The following FMN1 variants were observed in gnomAD, a reference collection of about 807,000 sequenced individuals.
The protein encoded by FMN1 is formin-1.
In FMN1, 110 loss-of-function variants were observed where a neutral mutation model predicts 132.4. The ratio of observed to expected loss-of-function variants is 0.83; its 90% CI spans 0.71 to 0.97. The LOEUF (loss-of-function observed/expected upper bound fraction) is 0.97, where lower values mean the gene tolerates loss of function less well. FMN1 is among the 50% of genes least tolerant of loss of function. FMN1 has a pLI of 0.00. For synonymous variants in FMN1, 722 were observed against 651.7 expected, an observed-to-expected ratio of 1.11 and a Z score of -1.64; for missense variants, 1,792 against 1,705.3, an observed-to-expected ratio of 1.05 and a Z score of -0.90.
intron 18 of FMN1, among the ~76,000 whole-genome samples, chr15:32,799,493 T>G (rs1403916856): frequency 2.0e-5 from 3 of 152,132 alleles, no homozygotes. Context: ...AAGGGTAAAA[T>G]AAGAGATGTA....
At chr15:33,057,725 C>T (rs373148983) in intron 6 of FMN1, among the ~76,000 whole-genome samples, 192 of 152,314 alleles carry the variant, frequency 1.3e-3, no homozygotes, top group Non-Finnish European at 2.3e-3. Context: ...ATCTCATGTT[C>T]TCACCCCTTC....
At chr15:33,010,862 A>C (rs1034165760) in intron 6 of FMN1, among the ~76,000 whole-genome samples, 1 of 152,012 alleles carries the variant, frequency 6.6e-6, no homozygotes, top group Non-Finnish European at 1.5e-5. Flanking sequence ...TAAAGACCTC[A>C]TATAAGAAAA....
chr15:32,897,841 A>C (rs1415963005), intron 15 of FMN1, among the ~76,000 whole-genome samples: 1 of 152,194 alleles, frequency 6.6e-6, no homozygotes, highest in Non-Finnish European at 1.5e-5. Context: ...AACAAAACAA[A>C]AAACAAAACA....
At chr15:32,983,201 A>G (rs1030307295) in intron 7 of FMN1, among the ~76,000 whole-genome samples, 3 of 152,230 alleles carry the variant, frequency 2.0e-5, no homozygotes, top group Non-Finnish European at 4.4e-5. Context: ...GATTTCAGGT[A>G]GATGCCAACA....
intron 4 of FMN1, among the ~76,000 whole-genome samples, chr15:33,109,484 T>A (rs541303275): frequency 1.4e-4 from 22 of 152,092 alleles, no homozygotes; most frequent in Admixed American, 3.9e-4. Context: ...GTGGTATATA[T>A]AACACCATGG....
chr15:33,151,080 C>T lies in FMN1; in HGVS notation c.1867+1968G>A, dbSNP rs1462330058. The stretch of plus-strand genomic sequence containing the variant: ...TTCAGAATATAAAGAGGACTCACAG[C>T]GACAGGAAAGGGAAAATCAAGAGAG... On this transcript the variant is annotated intron_variant, in intron 4 of 20. Transcript: ENST00000616417. 1.1e-5 allele frequency: 15 copies of T among 1,317,406 alleles called. No individual in the cohort carries two copies. The Admixed American group carries it at 1.5e-4, about 13-fold the overall frequency. 81.6% of individuals were successfully genotyped at this position (1,317,406 alleles called of 1,614,324 possible).
At chr15:33,115,954 G>A (rs1436546366) in intron 4 of FMN1, among the ~76,000 whole-genome samples, 3 of 151,990 alleles carry the variant, frequency 2.0e-5, no homozygotes, top group African/African-American at 4.8e-5. Context: ...ACACCTGCTT[G>A]CAATAATAGT....
rs199546925 is a variant in FMN1, at chr15:32,946,165, T to C, written c.3138+17942A>G. Among the ~76,000 whole-genome samples the C allele has an allele frequency of 3.4e-4, 52 of 152,350 alleles. No individual in the cohort carries two copies. In the East Asian group the frequency reaches 4.2e-3, roughly 12 times the overall value. ...GATTTTGTTAGGGTTTGCGGTGTTA[T>C]GTCCCAGCACATTTCCCCCGTAATT... is the stretch of plus-strand genomic sequence containing the variant. On this transcript the variant is annotated intron_variant, in intron 9 of 20. Coordinates refer to ENST00000616417, the MANE Select transcript of FMN1 (RefSeq NM_001277313.2).
At chr15:32,913,331 TAAAA>T (rs2060609755) in intron 10 of FMN1, among the ~76,000 whole-genome samples, 1 of 152,204 alleles carries the variant, frequency 6.6e-6, no homozygotes, top group Non-Finnish European at 1.5e-5. Flanking sequence ...GGTTACTTTT[TAAAA>T]ACATGGATTT....
intron 3 of FMN1, among the ~76,000 whole-genome samples, chr15:33,173,772 T>C (rs954328091): frequency 6.6e-6 from 1 of 152,002 alleles, no homozygotes; most frequent in Non-Finnish European, 1.5e-5. Context: ...CTACTAAAAA[T>C]ACAAAAATTA....
At chr15:33,139,773 C>T (rs1963930345) in intron 4 of FMN1, among the ~76,000 whole-genome samples, 1 of 152,142 alleles carries the variant, frequency 6.6e-6, no homozygotes, top group Admixed American at 6.5e-5. Flanking sequence ...AGTTACAGTA[C>T]TTCAGATGGA....
intron 6 of FMN1, among the ~76,000 whole-genome samples, chr15:33,060,514 A>G (rs139810430): frequency 6.6e-6 from 1 of 152,338 alleles, no homozygotes; most frequent in African/African-American, 2.4e-5. Flanking sequence ...AATACTCTAA[A>G]TAGGGATGTT....
intron 6 of FMN1, among the ~76,000 whole-genome samples, chr15:33,029,794 G>C (rs2035849623): frequency 6.6e-6 from 1 of 152,160 alleles, no homozygotes; most frequent in South Asian, 2.1e-4. Context: ...AGGGATCTGT[G>C]GTTTGGGAGA....
intron 17 of FMN1, among the ~76,000 whole-genome samples, chr15:32,810,556 T>G (rs1185814137): frequency 6.6e-6 from 1 of 152,198 alleles, no homozygotes; most frequent in Non-Finnish European, 1.5e-5. Context: ...AGAGAAAGTT[T>G]TTATAAATAA....
At chr15:33,136,204 G>A (rs1228565943) in intron 4 of FMN1, among the ~76,000 whole-genome samples, 2 of 152,178 alleles carry the variant, frequency 1.3e-5, no homozygotes, top group African/African-American at 4.8e-5. Flanking sequence ...TTGTCCCTCT[G>A]CTGTTTACTT....
At chr15:33,012,600 T>G (rs1429500555) in intron 6 of FMN1, 2 of 1,160,700 alleles carry the variant, frequency 1.7e-6, no homozygotes, top group East Asian at 4.7e-5. Context: ...TGGATAAGAC[T>G]GTCGTTCAGA....
intron 8 of FMN1, 149 bp from the exon 9 acceptor site, chr15:32,964,406 T>A: frequency 3.3e-6 from 2 of 600,626 alleles, no homozygotes; most frequent in Non-Finnish European, 5.7e-6. Flanking sequence ...GCTTTTTATG[T>A]TACGCATTTG....
chr15:32,988,384 C>T (rs2033217346), intron 7 of FMN1, among the ~76,000 whole-genome samples: 1 of 152,140 alleles, frequency 6.6e-6, no homozygotes, highest in African/African-American at 2.4e-5. Flanking sequence ...TTTCCTCCAA[C>T]TGATTTATAC....
At chr15:33,003,471 T>C (rs2034231195) in intron 7 of FMN1, among the ~76,000 whole-genome samples, 1 of 152,136 alleles carries the variant, frequency 6.6e-6, no homozygotes, top group Non-Finnish European at 1.5e-5. Flanking sequence ...ATAAAATACC[T>C]GGGAATCCAA....
Sources: gnomAD v4.1 joint callset for allele counts (sites outside exome capture counted in the v4.1 genomes callset) on GRCh38, gnomAD v4.1.1 for gene constraint, MANE v1.5 for transcripts, NCBI Gene and HGNC (gene_info 2026-07-23, HGNC 2026-07-21) for gene names.